Variants in FAR2 observed in about 807,000 individuals in gnomAD.
FAR2 encodes epididymis secretory protein Li 81.
A neutral mutation model predicts 56.0 loss-of-function variants in FAR2; 19 were observed. That is an observed-to-expected ratio of 0.34 (90% confidence interval 0.24 to 0.50). FAR2 has a LOEUF of 0.50. Ranked by LOEUF, FAR2 falls within the 20% of genes least tolerant of loss-of-function variation. The probability of loss-of-function intolerance (pLI) is 0.98; values close to 1 mark genes in which losing one functional copy is unlikely to be tolerated. For missense variants in FAR2, 508 were observed against 642.2 expected (o/e 0.79, Z 2.26); for synonymous variants, 219 against 218.8 (o/e 1.00, Z -0.01).
intron 1 of FAR2, among the ~76,000 whole-genome samples, chr12:29,201,125 C>A (rs942667318): frequency 6.6e-6 from 1 of 152,114 alleles, no homozygotes; most frequent in African/African-American, 2.4e-5. Context: ...TCCTTTCCGT[C>A]TTCCTTTTGC....
intron 1 of FAR2, among the ~76,000 whole-genome samples, chr12:29,184,548 C>T (rs968454191): frequency 2.0e-5 from 3 of 150,036 alleles, no homozygotes; most frequent in Non-Finnish European, 4.4e-5. Flanking sequence ...GATTCTCCTG[C>T]CTCAACCTCC....
At position 29,213,707 on chromosome 12, in the gene FAR2, G is replaced by T. The variant is rs982919449; in HGVS notation, c.-38-56705G>T. On this transcript the variant is annotated intron_variant, in intron 1 of 11. Transcript: ENST00000536681. The stretch of plus-strand genomic sequence containing the variant: ...TCTGTCTCAAAAAAAAAAAAAAAAA[G>T]ATTAAGTCTATCTGTAATTGGTTTC... Among the ~76,000 whole-genome samples the T allele has an allele frequency of 3.5e-5, 4 of 114,224 alleles. No individual in the cohort carries two copies. In the Admixed American group the frequency reaches 3.5e-4, roughly 10 times the overall value. The allele number at this position is 114,224 out of a possible 152,430, so 74.9% of individuals were successfully genotyped here.
chr12:29,268,811 G>A (rs1050788015), intron 1 of FAR2, among the ~76,000 whole-genome samples: 19 of 152,226 alleles, frequency 1.2e-4, no homozygotes, highest in Admixed American at 8.5e-4. Flanking sequence ...CTGGGCATCC[G>A]GGGGAGACAT....
chr12:29,228,660 T>G (rs1168386868), intron 1 of FAR2, among the ~76,000 whole-genome samples: 1 of 152,192 alleles, frequency 6.6e-6, no homozygotes, highest in African/African-American at 2.4e-5. Flanking sequence ...CAGTCTCGAC[T>G]CACTGCAGTC....
Position 29,311,142 on chromosome 12 carries a change from C to A in FAR2, c.883C>A (p.His295Asn). The A allele has an allele frequency of 1.2e-6, 2 of 1,608,678 alleles. No individual in the cohort carries two copies. Among genetic ancestry groups the A allele is most frequent in the South Asian group, 2.2e-5 (2 of 90,934 alleles). The part of the protein sequence containing the change: ...MLAVGWYTAV[H>N]RPKSTLVYHI... ...AGCTGTAGGATGGTATACTGCAGTTCACAGGTGTGGATGCTCAAGTGGGCT... is the reference window on the plus strand; with the variant it reads ...AGCTGTAGGATGGTATACTGCAGTTAACAGGTGTGGATGCTCAAGTGGGCT... Residue 295 changes from histidine (H) to asparagine (N), a missense_variant, in exon 7 of 12, where the codon CAC (histidine) becomes AAC (asparagine). Transcript: ENST00000536681.
rs1949756969 is a variant in FAR2, at chr12:29,333,269, G to A, written c.1386-363G>A. The A allele has an allele frequency of 2.9e-5, 7 of 239,644 alleles. No individual in the cohort carries two copies. The South Asian group carries it at 3.9e-4, about 13-fold the overall frequency. 14.8% of individuals were successfully genotyped at this position (239,644 alleles called of 1,614,324 possible). On this transcript the variant is annotated intron_variant, in intron 11 of 11. Coordinates refer to ENST00000536681, the MANE Select transcript of FAR2 (RefSeq NM_001271783.2). The stretch of plus-strand genomic sequence containing the variant: ...AAGTAGCTTGCAAAACAGGAAGGAG[G>A]AACCTTGAATAGCAAGCCAAGAACT...
At chr12:29,246,596 T>C (rs930484342) in intron 1 of FAR2, among the ~76,000 whole-genome samples, 1 of 152,174 alleles carries the variant, frequency 6.6e-6, no homozygotes, top group Non-Finnish European at 1.5e-5. Context: ...TGCATCAGCA[T>C]ATAAATTCTA....
intron 1 of FAR2, among the ~76,000 whole-genome samples, chr12:29,184,598 C>A (rs1950022385): frequency 6.6e-6 from 1 of 151,748 alleles, no homozygotes; most frequent in African/African-American, 2.4e-5. Context: ...CCATGCCCAG[C>A]TAATTTTTTT....
intron 4 of FAR2, among the ~76,000 whole-genome samples, chr12:29,299,228 A>AG (rs1407205749): frequency 5.7e-4 from 86 of 151,420 alleles, no homozygotes; most frequent in African/African-American, 2.1e-3. Context: ...AAAAAAAAAA[A>AG]AAAAAAAGAA....
intron 8 of FAR2, among the ~76,000 whole-genome samples, chr12:29,315,852 T>A (rs1949439974): frequency 6.6e-6 from 1 of 152,172 alleles, no homozygotes. Flanking sequence ...TTTAGAGCTG[T>A]TAAATGTGAA....
intron 1 of FAR2, among the ~76,000 whole-genome samples, chr12:29,199,532 G>A (rs547304885): frequency 2.0e-5 from 3 of 151,282 alleles, no homozygotes; most frequent in South Asian, 2.1e-4. Flanking sequence ...CCCGGGAGGC[G>A]GAGCTTGCAG....
rs1830289494 is a variant in FAR2 at position 29,180,725 on chromosome 12, C to CTA, written c.-39+31320_-39+31321dup. On this transcript the variant is annotated intron_variant, in intron 1 of 11. Transcript: ENST00000536681. ...ATCACATGTATTATTCATTGTTTAT[C>CTA]TATCTATCTATCTATCTATCTATCT... 3.5e-5 allele frequency among the ~76,000 whole-genome samples: 3 copies of CTA among 85,606 alleles called. No homozygotes were observed. The South Asian group carries it at 1.0e-3, about 28-fold the overall frequency. The allele number at this position is 85,606 out of a possible 152,430, so 56.2% of individuals were successfully genotyped here.
chr12:29,328,314 A>G (rs1223542771), intron 10 of FAR2, among the ~76,000 whole-genome samples: 1 of 152,222 alleles, frequency 6.6e-6, no homozygotes, highest in African/African-American at 2.4e-5. Flanking sequence ...GTGGGACTGT[A>G]AACTAGTTCA....
rs1429206743 is a variant in FAR2, at chr12:29,333,743, C to T, written c.1497C>T (p.Phe499=). 1.2e-6 allele frequency: 2 copies of T among 1,613,856 alleles called. No individual in the cohort carries two copies. The highest frequency in any genetic ancestry group is 1.1e-5 in the South Asian group (1 of 91,070). ...ATGTCTGGTTCTTCATTGTAAGCTT[C>T]TGTTATAAATTCCTCTCCTACTTTA... ...ARNVWFFIVS[F]CYKFLSYFRA... Residue 499 remains phenylalanine, a synonymous_variant, in exon 12 of 12, where the codon TTC becomes TTT. Coordinates refer to ENST00000536681, the MANE Select transcript of FAR2 (RefSeq NM_001271783.2).
intron 1 of FAR2, among the ~76,000 whole-genome samples, chr12:29,258,738 C>CT (rs938777771): frequency 5.4e-4 from 82 of 152,260 alleles, no homozygotes; most frequent in African/African-American, 1.8e-3. Flanking sequence ...TGCTAAATGG[C>CT]TTTTTTCTCA....
intron 1 of FAR2, among the ~76,000 whole-genome samples, chr12:29,199,177 G>A (rs1947371681): frequency 6.6e-6 from 1 of 152,162 alleles, no homozygotes; most frequent in Non-Finnish European, 1.5e-5. Context: ...GGAAATGCAT[G>A]CAGGCCAGCT....
rs751094042 is a variant in FAR2, at chr12:29,333,694, T to C, written c.1448T>C (p.Ile483Thr). Residue 483 changes from isoleucine to threonine, a missense_variant, in exon 12 of 12, where the codon ATT (isoleucine) becomes ACT (threonine). Physicochemically the swap from Ile to Thr is moderately conservative, Grantham distance 89. Transcript: ENST00000536681. Reference protein sequence around the residue: ...ALFLIAWRLLIARSQMARNVW... With the variant: ...ALFLIAWRLLTARSQMARNVW... The stretch of plus-strand genomic sequence containing the variant: ...TTCCTTATCGCCTGGCGCCTTCTCA[T>C]TGCAAGATCTCAGATGGCTCGGAAT... 6.8e-6 allele frequency: 11 copies of C among 1,613,888 alleles called. 1 individual carries two copies. The South Asian group carries it at 1.2e-4, about 18-fold the overall frequency.
Position 29,258,558 on chromosome 12 carries a change from G to A in FAR2, c.-38-11854G>A, listed in dbSNP as rs531575087. 4.9e-4 allele frequency among the ~76,000 whole-genome samples: 74 copies of A among 152,172 alleles called. 1 individual carries two copies. In the South Asian group the frequency reaches 8.9e-3, roughly 18 times the overall value. ...TCACAAAATAGCAATGACTTTGTTTGATATAATCAACTCATATTATCATGC... is the reference window on the plus strand; with the variant it reads ...TCACAAAATAGCAATGACTTTGTTTAATATAATCAACTCATATTATCATGC... On this transcript the variant is annotated intron_variant, in intron 1 of 11. Coordinates refer to ENST00000536681, the MANE Select transcript of FAR2 (RefSeq NM_001271783.2).
chr12:29,225,396 A>G (rs1251553063), intron 1 of FAR2, among the ~76,000 whole-genome samples: 1 of 152,162 alleles, frequency 6.6e-6, no homozygotes. Flanking sequence ...ATACATGTGA[A>G]GCCCCTAGCA....
Sources: gnomAD v4.1 joint callset for allele counts (sites outside exome capture counted in the v4.1 genomes callset) on GRCh38, gnomAD v4.1.1 for gene constraint, MANE v1.5 for transcripts, NCBI Gene and HGNC (gene_info 2026-07-23, HGNC 2026-07-21) for gene names.